The following RSPH14 variants were observed in gnomAD, a reference collection of about 807,000 sequenced individuals.
The protein encoded by RSPH14 is radial spoke head 14 homolog.
A neutral mutation model predicts 26.7 loss-of-function variants in RSPH14; 20 were observed. The ratio of observed to expected loss-of-function variants is 0.75; its 90% confidence interval spans 0.53 to 1.09. RSPH14 has a LOEUF of 1.09. RSPH14 is among the 50% of genes least tolerant of loss of function. The pLI, the probability that RSPH14 is intolerant of heterozygous loss-of-function variation, is 0.00. For missense variants in RSPH14, 449 were observed against 457.2 expected (o/e 0.98, Z 0.16); for synonymous variants, 177 against 189.3 (o/e 0.93, Z 0.53).
chr22:23,155,954 C>T, the RSPH14 span: 2 of 1,604,754 alleles, frequency 1.2e-6, no homozygotes, highest in Non-Finnish European at 1.7e-6. Context: ...CTTTCTTTCT[C>T]ACCCACCTCA....
chr22:23,084,274 T>C (rs1424098618), intron 4 of RSPH14, among the ~76,000 whole-genome samples: 1 of 152,224 alleles, frequency 6.6e-6, no homozygotes, highest in Non-Finnish European at 1.5e-5. Flanking sequence ...AGCCTTACTT[T>C]GAGTACTCAT....
the RSPH14 span, chr22:23,159,391 GC>G: frequency 1.3e-5 from 11 of 827,470 alleles, no homozygotes; most frequent in East Asian, 2.7e-4. Context: ...TGGCATCACA[GC>G]CCTGCTGTGC....
chr22:23,125,833 A>G (rs1279931789), intron 4 of RSPH14, among the ~76,000 whole-genome samples: 1 of 152,188 alleles, frequency 6.6e-6, no homozygotes, highest in Non-Finnish European at 1.5e-5. Flanking sequence ...ATGGAAGCCT[A>G]CAGGGAGCAG....
Position 23,137,158 on chromosome 22 carries a change from T to C in RSPH14, c.302+1682A>G, listed in dbSNP as rs1238697284. On this transcript the variant is annotated intron_variant, in intron 3 of 6. Transcript: ENST00000216036. Reference sequence around the variant, plus strand: ...CAGGGCTGAGTGACTTTGGGTTTTATGAGATGCCCTGCAGCCTCTGCCTCT... The same window carrying C: ...CAGGGCTGAGTGACTTTGGGTTTTACGAGATGCCCTGCAGCCTCTGCCTCT... Among the ~76,000 whole-genome samples, 2 of 138,966 alleles carry C rather than the reference T, an allele frequency of 1.4e-5. 1 individual carries two copies. Among genetic ancestry groups the C allele is most frequent in the East Asian group, 4.5e-4 (2 of 4,440 alleles). 91.2% of individuals were successfully genotyped at this position (138,966 alleles called of 152,430 possible).
chr22:23,106,585 A>C (rs1192184184), intron 4 of RSPH14, among the ~76,000 whole-genome samples: 1 of 152,088 alleles, frequency 6.6e-6, no homozygotes, highest in Non-Finnish European at 1.5e-5. Flanking sequence ...TCCCCTGGCT[A>C]GTGAGGAGGT....
upstream of RSPH14, among the ~76,000 whole-genome samples, chr22:23,143,958 T>G (rs551442153): frequency 3.3e-5 from 5 of 151,958 alleles, no homozygotes; most frequent in South Asian, 1.0e-3. Context: ...CCAAGCATGG[T>G]TGGTGCGCAC....
intron 4 of RSPH14, among the ~76,000 whole-genome samples, chr22:23,129,814 G>A (rs1403490570): frequency 6.6e-6 from 1 of 151,790 alleles, no homozygotes; most frequent in Non-Finnish European, 1.5e-5. Context: ...CAGCTACTCG[G>A]GAGGCTGAGT....
the RSPH14 span, among the ~76,000 whole-genome samples, chr22:23,166,260 T>C: frequency 4.9e-4 from 67 of 136,272 alleles, no homozygotes; most frequent in African/African-American, 1.7e-3. Flanking sequence ...TTGGCCAAAA[T>C]GGGGCATTTT....
intron 4 of RSPH14, chr22:23,070,225 T>G (rs2068310060): frequency 1.3e-5 from 2 of 149,850 alleles, no homozygotes. Flanking sequence ...GGGGCGGAGG[T>G]GCCCGGCGCG....
chr22:23,122,798 A>C (rs1601841917), intron 4 of RSPH14: 3 of 466,146 alleles, frequency 6.4e-6, no homozygotes, highest in Non-Finnish European at 1.2e-5. Flanking sequence ...GCACATCTGT[A>C]GCCCCAAAGC....
intron 4 of RSPH14, among the ~76,000 whole-genome samples, chr22:23,081,394 CGT>C (rs2068673662): frequency 6.6e-6 from 1 of 152,158 alleles, no homozygotes; most frequent in African/African-American, 2.4e-5. Flanking sequence ...ATAAAGTACA[CGT>C]GTGTCATTTC....
intron 4 of RSPH14, among the ~76,000 whole-genome samples, chr22:23,115,511 T>C (rs1278289077): frequency 6.6e-6 from 1 of 151,962 alleles, no homozygotes; most frequent in Non-Finnish European, 1.5e-5. Flanking sequence ...TCTGGCCTCC[T>C]GGAGGGGGTC....
At chr22:23,161,370 C>A in the RSPH14 span, 1 of 866,810 alleles carries the variant, frequency 1.2e-6, no homozygotes, top group South Asian at 1.5e-5. Context: ...TTGTGTCAGG[C>A]CATTCAGGCC....
At chr22:23,175,225 C>T in the RSPH14 span, among the ~76,000 whole-genome samples, 8 of 152,136 alleles carry the variant, frequency 5.3e-5, no homozygotes, top group African/African-American at 1.9e-4. Flanking sequence ...GTCTCGATAT[C>T]CTGACCTCAT....
intron 4 of RSPH14, among the ~76,000 whole-genome samples, chr22:23,065,532 T>G (rs2068188640): frequency 3.3e-5 from 1 of 30,144 alleles, no homozygotes; most frequent in African/African-American, 1.7e-4. Context: ...ATGCACAGAT[T>G]GCAAAAAAAA....
chr22:23,114,330 G>A (rs1601826940), intron 4 of RSPH14, among the ~76,000 whole-genome samples: 1 of 152,234 alleles, frequency 6.6e-6, no homozygotes, highest in East Asian at 1.9e-4. Flanking sequence ...GTCTGTAACA[G>A]AACTGAGGAC....
chr22:23,113,661 G>T (rs1471747465), intron 4 of RSPH14, among the ~76,000 whole-genome samples: 1 of 152,232 alleles, frequency 6.6e-6, no homozygotes, highest in African/African-American at 2.4e-5. Context: ...CAACACCACA[G>T]GCCCCTCCAC....
upstream of RSPH14, among the ~76,000 whole-genome samples, chr22:23,143,096 T>C (rs2070628096): frequency 6.6e-6 from 1 of 152,134 alleles, no homozygotes; most frequent in Non-Finnish European, 1.5e-5. Flanking sequence ...ATTGACCATT[T>C]TGAGTGGACA....
upstream of RSPH14, among the ~76,000 whole-genome samples, chr22:23,148,437 G>A (rs2070926532): frequency 6.6e-6 from 1 of 152,174 alleles, no homozygotes; most frequent in African/African-American, 2.4e-5. Flanking sequence ...GAGTTAAGGA[G>A]GGTTGCCTGA....
Sources: allele counts gnomAD v4.1 joint callset (sites outside exome capture counted in the v4.1 genomes callset), GRCh38; gene constraint gnomAD v4.1.1; transcripts MANE v1.5; gene names NCBI Gene and HGNC (gene_info 2026-07-23, HGNC 2026-07-21).